Variants in THRB observed in about 807,000 individuals in gnomAD.
THRB encodes nuclear receptor subfamily 1 group A member 2.
Under a neutral mutation model 47.8 loss-of-function variants are expected in THRB, and 12 were observed. That is an observed-to-expected ratio of 0.25 (90% CI 0.16 to 0.41). The LOEUF (loss-of-function observed/expected upper bound fraction) is 0.41. THRB is among the 10% of genes least tolerant of loss of function. THRB has a pLI of 1.00. For missense variants in THRB, 348 were observed against 589.2 expected (o/e 0.59, Z 4.24); for synonymous variants, 218 against 212.2 (o/e 1.03, Z -0.24).
chr3:24,323,375 C>T (rs9310737), intron 2 of THRB, among the ~76,000 whole-genome samples: 10,645 of 152,202 alleles, frequency 0.07, 540 homozygotes, highest in East Asian at 0.28. Context: ...GGAGGAACAA[C>T]CATCATACAA....
At chr3:24,181,571 C>CTT (rs540808488) in intron 5 of THRB, among the ~76,000 whole-genome samples, 221 of 152,316 alleles carry the variant, frequency 1.5e-3, no homozygotes, top group Middle Eastern at 6.8e-3. Context: ...GCTGGAAACT[C>CTT]TTTGTAGTTT....
intron 3 of THRB, among the ~76,000 whole-genome samples, chr3:24,265,975 C>G (rs576286199): frequency 2.0e-4 from 31 of 152,182 alleles, no homozygotes; most frequent in Middle Eastern, 6.8e-3. Context: ...CTTTATAATA[C>G]TTTTTTGTAT....
chr3:24,473,930 A>T (rs1695076114), intron 1 of THRB, among the ~76,000 whole-genome samples: 1 of 152,160 alleles, frequency 6.6e-6, no homozygotes, highest in South Asian at 2.1e-4. Context: ...AGGGAGGGGA[A>T]CATCATACAC....
intron 5 of THRB, among the ~76,000 whole-genome samples, chr3:24,173,167 A>G (rs112005805): frequency 6.6e-6 from 1 of 152,128 alleles, no homozygotes; most frequent in Non-Finnish European, 1.5e-5. Context: ...CAAGCCCTCC[A>G]GGGGATTCTG....
At chr3:24,216,058 G>A (rs544414185) in intron 4 of THRB, among the ~76,000 whole-genome samples, 2 of 152,158 alleles carry the variant, frequency 1.3e-5, no homozygotes, top group African/African-American at 4.8e-5. Context: ...GCTAATAGAC[G>A]CTTTACAATT....
intron 2 of THRB, among the ~76,000 whole-genome samples, chr3:24,323,736 T>C (rs1381789382): frequency 6.6e-6 from 1 of 152,172 alleles, no homozygotes; most frequent in Non-Finnish European, 1.5e-5. Flanking sequence ...ATAATACCAG[T>C]TGTAGAAATT....
intron 10 of THRB, among the ~76,000 whole-genome samples, chr3:24,126,591 C>T (rs928350139): frequency 7.2e-5 from 11 of 151,776 alleles, no homozygotes; most frequent in African/African-American, 2.4e-4. Flanking sequence ...CAGGGACTTA[C>T]GTGGACAAGT....
At chr3:24,436,165 G>A (rs1466471148) in intron 1 of THRB, among the ~76,000 whole-genome samples, 1 of 151,980 alleles carries the variant, frequency 6.6e-6, no homozygotes, top group Admixed American at 6.6e-5. Context: ...GCAGGAAGCT[G>A]TGCTTTTCTC....
At chr3:24,232,096 T>C (rs191705834) in intron 3 of THRB, among the ~76,000 whole-genome samples, 79 of 152,334 alleles carry the variant, frequency 5.2e-4, no homozygotes, top group African/African-American at 1.5e-3. Context: ...AGGGTCTGTG[T>C]ACCACGGCCC....
chr3:24,488,378 T>C (rs1577955087), intron 1 of THRB, among the ~76,000 whole-genome samples: 1 of 152,306 alleles, frequency 6.6e-6, no homozygotes, highest in South Asian at 2.1e-4. Context: ...CATGTATGTA[T>C]TGAGGTGTTT....
chr3:24,435,968 A>G (rs997345084), intron 1 of THRB, among the ~76,000 whole-genome samples: 10 of 152,212 alleles, frequency 6.6e-5, no homozygotes, highest in African/African-American at 1.7e-4. Flanking sequence ...TATACACACA[A>G]TAATCATTAA....
At chr3:24,261,497 CAAA>C (rs35109952) in intron 3 of THRB, among the ~76,000 whole-genome samples, 10 of 88,268 alleles carry the variant, frequency 1.1e-4, no homozygotes, top group East Asian at 3.3e-4. Flanking sequence ...GATTCTGTCT[CAAA>C]AAAAAAAAAA....
At chr3:24,277,781 T>C (rs984065552) in intron 3 of THRB, among the ~76,000 whole-genome samples, 2 of 152,208 alleles carry the variant, frequency 1.3e-5, no homozygotes, top group Non-Finnish European at 2.9e-5. Flanking sequence ...CCTCAAGAGC[T>C]TTCCTGGCCA....
chr3:24,334,775 G>A (rs1236850710), intron 2 of THRB, among the ~76,000 whole-genome samples: 1 of 152,154 alleles, frequency 6.6e-6, no homozygotes. Flanking sequence ...AACTCTTAGG[G>A]TGAGTTCAGA....
intron 4 of THRB, among the ~76,000 whole-genome samples, chr3:24,224,232 T>A (rs1331502428): frequency 6.6e-6 from 1 of 150,652 alleles, no homozygotes; most frequent in Admixed American, 6.6e-5. Context: ...CATTATATAT[T>A]CATCATGTCA....
chr3:24,417,967 T>C (rs1439802197), intron 1 of THRB, among the ~76,000 whole-genome samples: 5 of 151,914 alleles, frequency 3.3e-5, no homozygotes, highest in Non-Finnish European at 5.9e-5. Flanking sequence ...GCCAAAAGCC[T>C]ATGTGCTTTC....
chr3:24,146,867 T>A, intron 6 of THRB, 45 bp from the exon 7 acceptor site: 1 of 1,585,136 alleles, frequency 6.3e-7, no homozygotes, highest in South Asian at 1.1e-5. Context: ...CATATTTTCT[T>A]GAAATCAGTG....
intron 5 of THRB, among the ~76,000 whole-genome samples, chr3:24,181,403 C>A (rs911629336): frequency 1.2e-4 from 19 of 152,176 alleles, no homozygotes; most frequent in African/African-American, 4.6e-4. Flanking sequence ...AGCCAAGAAC[C>A]AATGGTCATC....
chr3:24,363,486 C>T (rs1002809668), intron 1 of THRB, among the ~76,000 whole-genome samples: 2 of 152,132 alleles, frequency 1.3e-5, no homozygotes, highest in African/African-American at 4.8e-5. Context: ...GGAGCTGGAG[C>T]TTTCAGTGGG....
Sources: allele counts gnomAD v4.1 joint callset (sites outside exome capture counted in the v4.1 genomes callset), GRCh38; gene constraint gnomAD v4.1.1; transcripts MANE v1.5; gene names NCBI Gene and HGNC (gene_info 2026-07-23, HGNC 2026-07-21).